Variants in USP32 observed in about 807,000 individuals in gnomAD.
The protein encoded by USP32 is ubiquitin specific peptidase 32, also known as ubiquitin carboxyl-terminal hydrolase 32.
In USP32, 59 loss-of-function variants were observed where a neutral mutation model predicts 204.8. That is an observed-to-expected ratio of 0.29 (90% CI 0.23 to 0.36). The LOEUF (loss-of-function observed/expected upper bound fraction) is 0.36, where lower values mean the gene tolerates loss of function less well. USP32 is among the 10% of genes least tolerant of loss of function. The pLI is 1.00. For missense variants in USP32, 1,160 were observed against 1,946.4 expected (o/e 0.60, Z 7.60); for synonymous variants, 517 against 678.4 (o/e 0.76, Z 3.70).
At chr17:60,307,553 A>T (rs2087754896) in intron 2 of USP32, among the ~76,000 whole-genome samples, 1 of 152,304 alleles carries the variant, frequency 6.6e-6, no homozygotes, top group South Asian at 2.1e-4. Flanking sequence ...ATAGCCAAAA[A>T]ATCCTGAGCA....
At chr17:60,325,763 C>A (rs2088218101) in intron 2 of USP32, among the ~76,000 whole-genome samples, 1 of 151,480 alleles carries the variant, frequency 6.6e-6, no homozygotes, top group Non-Finnish European at 1.5e-5. Flanking sequence ...CCTGTCTCTA[C>A]AAAAAAATAC....
chr17:60,408,883 C>A (rs1317399506), intron 1 of USP32, among the ~76,000 whole-genome samples: 1 of 152,176 alleles, frequency 6.6e-6, no homozygotes, highest in Non-Finnish European at 1.5e-5. Context: ...CAAACTCTGA[C>A]ATCACCCCAT....
intron 2 of USP32, among the ~76,000 whole-genome samples, chr17:60,332,784 A>G (rs2088422227): frequency 6.6e-6 from 1 of 152,218 alleles, no homozygotes; most frequent in Non-Finnish European, 1.5e-5. Context: ...ATATGAATGT[A>G]ATCTTAAACA....
chr17:60,232,894 C>A (rs2085611015), intron 12 of USP32, among the ~76,000 whole-genome samples: 2 of 152,186 alleles, frequency 1.3e-5, no homozygotes, highest in Admixed American at 6.5e-5. Flanking sequence ...ACTACTACCA[C>A]CATTATTACC....
intron 12 of USP32, 125 bp downstream of exon 12, chr17:60,236,013 C>A: frequency 2.6e-6 from 2 of 764,070 alleles, no homozygotes; most frequent in Non-Finnish European, 4.5e-6. Context: ...CCTTTCCCTT[C>A]GAATCTTTAT....
chr17:60,368,716 C>T (rs1187069114), intron 1 of USP32, among the ~76,000 whole-genome samples: 1 of 152,138 alleles, frequency 6.6e-6, no homozygotes, highest in African/African-American at 2.4e-5. Flanking sequence ...AAGCACTTCA[C>T]AGTTGTCAGC....
chr17:60,334,160 C>T (rs185406392), intron 2 of USP32, among the ~76,000 whole-genome samples: 1 of 152,170 alleles, frequency 6.6e-6, no homozygotes, highest in Non-Finnish European at 1.5e-5. Flanking sequence ...CAAGAGGTGG[C>T]CATGCAATTA....
At chr17:60,232,738 G>T (rs1254240853) in intron 12 of USP32, among the ~76,000 whole-genome samples, 1 of 151,710 alleles carries the variant, frequency 6.6e-6, no homozygotes, top group East Asian at 1.9e-4. Context: ...GTAGAGACGG[G>T]TTTTCTCCAG....
At chr17:60,398,314 T>G (rs551863903) in intron 1 of USP32, among the ~76,000 whole-genome samples, 25 of 152,276 alleles carry the variant, frequency 1.6e-4, no homozygotes, top group African/African-American at 6.0e-4. Context: ...GAGGATCACT[T>G]GGGCCTGAAA....
intron 3 of USP32, among the ~76,000 whole-genome samples, chr17:60,299,774 G>A (rs1290589365): frequency 6.6e-6 from 1 of 152,172 alleles, no homozygotes; most frequent in African/African-American, 2.4e-5. Flanking sequence ...CATAAACTGG[G>A]TGCTTATAAA....
intron 1 of USP32, among the ~76,000 whole-genome samples, chr17:60,415,224 T>C (rs2090050916): frequency 6.6e-6 from 1 of 152,182 alleles, no homozygotes; most frequent in Admixed American, 6.6e-5. Flanking sequence ...GGATGTAGGC[T>C]GCTGGCAGGG....
intron 12 of USP32, among the ~76,000 whole-genome samples, chr17:60,228,526 AC>A (rs1223924342): frequency 6.7e-6 from 1 of 148,216 alleles, no homozygotes; most frequent in Admixed American, 6.7e-5. Flanking sequence ...TTTAATTAAA[AC>A]AAGTTTTGGC....
intron 2 of USP32, among the ~76,000 whole-genome samples, chr17:60,327,989 C>T (rs1214335119): frequency 6.6e-6 from 1 of 152,250 alleles, no homozygotes; most frequent in East Asian, 1.9e-4. Context: ...CCTGCAGGTG[C>T]CCCTTGGCAG....
chr17:60,330,302 T>A (rs2088348510), intron 2 of USP32, among the ~76,000 whole-genome samples: 1 of 152,180 alleles, frequency 6.6e-6, no homozygotes, highest in Non-Finnish European at 1.5e-5. Context: ...AAAATTGGCC[T>A]CCTTGTCCTC....
At chr17:60,209,168 G>A (rs1486784134) in intron 22 of USP32, among the ~76,000 whole-genome samples, 1 of 152,086 alleles carries the variant, frequency 6.6e-6, no homozygotes, top group Non-Finnish European at 1.5e-5. Context: ...ATATGAAATG[G>A]CAACAGTTTT....
Position 60,208,171 on chromosome 17 carries a change from A to T in USP32, c.2813T>A (p.Leu938Gln). 6.3e-7 allele frequency: 1 copy of T among 1,597,560 alleles called. No homozygotes were observed. The highest frequency in any genetic ancestry group is 8.5e-7 in the Non-Finnish European group (1 of 1,170,902). ...GTACTTTTCATCCATATTCAGTCTT[A>T]GTCCATACCGTACAGGGGTAGTACC... is the stretch of plus-strand genomic sequence containing the variant. The part of the protein sequence containing the change: ...LDGTTPVRYG[L>Q]RLNMDEKYTG... The change falls in exon 24 of 34, where the codon CTA (leucine) becomes CAA (glutamine). Residue 938 changes from leucine to glutamine, a missense_variant. Around this residue, in one of 8 missense-constraint regions of USP32, gnomAD observed 132 missense variants for 432.8 expected, o/e 0.30. Coordinates refer to ENST00000300896, the MANE Select transcript of USP32 (RefSeq NM_032582.4).
At chr17:60,277,164 T>C (rs1276890097) in intron 5 of USP32, among the ~76,000 whole-genome samples, 2 of 152,122 alleles carry the variant, frequency 1.3e-5, no homozygotes, top group Non-Finnish European at 2.9e-5. Context: ...ATAGGTATAA[T>C]TTTTTCTGGG....
At chr17:60,186,763 G>C (rs1199808368) in intron 29 of USP32, among the ~76,000 whole-genome samples, 1 of 152,112 alleles carries the variant, frequency 6.6e-6, no homozygotes, top group Non-Finnish European at 1.5e-5. Context: ...GGTGTAGAAT[G>C]AAGAAGACGG....
At chr17:60,381,364 G>A (rs1486875200) in intron 1 of USP32, among the ~76,000 whole-genome samples, 5 of 151,006 alleles carry the variant, frequency 3.3e-5, no homozygotes, top group South Asian at 2.1e-4. Context: ...TTGCATGAGC[G>A]CAGGAAGTAG....
Sources: gnomAD v4.1 joint callset for allele counts (sites outside exome capture counted in the v4.1 genomes callset) on GRCh38, gnomAD v4.1.1 for gene constraint, gnomAD v4.1.1 regional missense constraint, MANE v1.5 for transcripts, NCBI Gene and HGNC (gene_info 2026-07-23, HGNC 2026-07-21) for gene names.